GSE1: variants seen among roughly 807,000 people sequenced by gnomAD.
The protein encoded by GSE1 is genetic suppressor element 1.
A neutral mutation model predicts 112.6 loss-of-function variants in GSE1; 32 were observed. The ratio of observed to expected loss-of-function variants is 0.28; its 90% CI spans 0.21 to 0.38. The LOEUF (loss-of-function observed/expected upper bound fraction) is 0.38, where lower values mean the gene tolerates loss of function less well. GSE1 is among the 10% of genes least tolerant of loss of function. The pLI, the probability that GSE1 is intolerant of heterozygous loss-of-function variation, is 1.00. For missense variants in GSE1, 2,348 were observed against 1,699.2 expected, an observed-to-expected ratio of 1.38 and a Z score of -6.71; for synonymous variants, 1,115 against 735.6, an observed-to-expected ratio of 1.52 and a Z score of -8.35.
At chr16:85,514,233 T>A (rs1408702479) in intron 2 of GSE1, among the ~76,000 whole-genome samples, 2 of 147,182 alleles carry the variant, frequency 1.4e-5, no homozygotes, top group African/African-American at 5.0e-5. Context: ...CTCCCCGGTT[T>A]CTCTCTTCCC....
At chr16:85,260,379 T>A (rs954305157) in intron 1 of GSE1, among the ~76,000 whole-genome samples, 2 of 146,180 alleles carry the variant, frequency 1.4e-5, no homozygotes, top group Non-Finnish European at 3.0e-5. Context: ...GCTGGAGTGC[T>A]GTGGTGCTAT....
intron 1 of GSE1, among the ~76,000 whole-genome samples, chr16:85,339,213 A>G (rs918518463): frequency 1.3e-5 from 2 of 152,070 alleles, no homozygotes; most frequent in African/African-American, 4.8e-5. Flanking sequence ...CGTGATTGCA[A>G]ATTGATTTTC....
intron 1 of GSE1, among the ~76,000 whole-genome samples, chr16:85,342,266 A>G (rs1228841088): frequency 2.6e-5 from 4 of 152,148 alleles, no homozygotes; most frequent in Admixed American, 2.0e-4. Context: ...TATAATTTCT[A>G]TCAACTTCAA....
At chr16:85,624,600 C>T (rs778625634) in intron 1 of GSE1, among the ~76,000 whole-genome samples, 11 of 152,224 alleles carry the variant, frequency 7.2e-5, no homozygotes, top group Admixed American at 2.0e-4. Context: ...GGGAAGCAGC[C>T]GGCACCATGG....
chr16:85,312,247 C>G (rs1344723776), intron 1 of GSE1, among the ~76,000 whole-genome samples: 1 of 143,640 alleles, frequency 7.0e-6, no homozygotes, highest in African/African-American at 2.7e-5. Flanking sequence ...CTAAACACAA[C>G]TGAGTGCCCT....
chr16:85,633,094 C>G (rs1465865894), intron 1 of GSE1, among the ~76,000 whole-genome samples: 1 of 152,182 alleles, frequency 6.6e-6, no homozygotes, highest in African/African-American at 2.4e-5. Flanking sequence ...GAACTTGGCC[C>G]TGGGAGGAAA....
At chr16:85,433,072 A>C (rs553755533) in intron 2 of GSE1, among the ~76,000 whole-genome samples, 1 of 151,986 alleles carries the variant, frequency 6.6e-6, no homozygotes, top group East Asian at 1.9e-4. Context: ...CCCTGGGGCA[A>C]CTTGGAATGG....
rs946752631 is a variant in GSE1, at chr16:85,228,037, A to C, written c.2283+56230A>C. Among the ~76,000 whole-genome samples the C allele has an allele frequency of 2.0e-5, 3 of 152,178 alleles. No homozygotes were observed. The South Asian group carries it at 6.2e-4, about 32-fold the overall frequency. On this transcript the variant is annotated intron_variant, in intron 1 of 2. Transcript: ENST00000637419. The stretch of plus-strand genomic sequence containing the variant: ...GGCTGGGAGGGCCCCTCTGTGGAGG[A>C]GGCAGCAGTCAAGTGGAGGGGCAGT...
intron 2 of GSE1, among the ~76,000 whole-genome samples, chr16:85,358,061 A>G (rs1055743400): frequency 4.6e-5 from 7 of 151,686 alleles, no homozygotes; most frequent in Admixed American, 3.3e-4. Context: ...GGGCTGGGCC[A>G]CGGGGAACCA....
At chr16:85,383,221 AAC>A (rs929888883) in intron 2 of GSE1, among the ~76,000 whole-genome samples, 2 of 151,184 alleles carry the variant, frequency 1.3e-5, no homozygotes, top group African/African-American at 4.9e-5. Flanking sequence ...TCTGTACATA[AAC>A]ACACACATTC....
At chr16:85,556,763 C>G (rs1352816794) in intron 1 of GSE1, among the ~76,000 whole-genome samples, 2 of 111,472 alleles carry the variant, frequency 1.8e-5, no homozygotes, top group African/African-American at 3.6e-5. Flanking sequence ...CCCCCCCCCC[C>G]AGTCCTGGGG....
At chr16:85,666,788 G>T (rs1466983969) in intron 13 of GSE1, among the ~76,000 whole-genome samples, 2 of 152,208 alleles carry the variant, frequency 1.3e-5, no homozygotes, top group Non-Finnish European at 2.9e-5. Context: ...CTTCCTTCAT[G>T]GTGGTATCTA....
At chr16:85,633,622 G>A (rs1381627289) in intron 1 of GSE1, among the ~76,000 whole-genome samples, 2 of 152,202 alleles carry the variant, frequency 1.3e-5, no homozygotes, top group African/African-American at 2.4e-5. Flanking sequence ...TCCACGACCT[G>A]CCCAGCCTGG....
At chr16:85,350,910 G>C (rs1408252824) in intron 1 of GSE1, among the ~76,000 whole-genome samples, 1 of 152,212 alleles carries the variant, frequency 6.6e-6, no homozygotes, top group Non-Finnish European at 1.5e-5. Context: ...CTCCCGAGTA[G>C]CTGGGATTAC....
intron 1 of GSE1, among the ~76,000 whole-genome samples, chr16:85,195,569 T>G (rs190889968): frequency 3.3e-5 from 5 of 152,344 alleles, no homozygotes; most frequent in Middle Eastern, 3.4e-3. Context: ...CAAATCCGCC[T>G]TCTTCTGCCC....
At chr16:85,611,498 C>A (rs1397654927), upstream of GSE1, 1 of 984,728 alleles carries the variant, frequency 1.0e-6, no homozygotes, top group Non-Finnish European at 1.2e-6. Context: ...AAGCAGCACC[C>A]CCGCGCCGTG....
At chr16:85,264,489 C>G (rs1270326176) in intron 1 of GSE1, among the ~76,000 whole-genome samples, 1 of 152,098 alleles carries the variant, frequency 6.6e-6, no homozygotes, top group Non-Finnish European at 1.5e-5. Context: ...ATCACCGCCT[C>G]CCTCCTCGGC....
At chr16:85,476,151 C>T (rs184190591) in intron 2 of GSE1, among the ~76,000 whole-genome samples, 2 of 152,202 alleles carry the variant, frequency 1.3e-5, no homozygotes, top group African/African-American at 4.8e-5. Context: ...AGGCTGGCCT[C>T]GAACTGCTGA....
chr16:85,668,211 C>G lies in GSE1; in HGVS notation c.3202C>G (p.Leu1068Val), dbSNP rs146023430. 3 of 1,610,104 alleles carry G rather than the reference C, an allele frequency of 1.9e-6. No homozygotes were observed. Among genetic ancestry groups the G allele is most frequent in the African/African-American group, 2.7e-5 (2 of 74,864 alleles). The change falls in exon 14 of 16, where the codon CTG becomes GTG. Residue 1068 changes from leucine to valine, a missense_variant. Physicochemically the swap from Leu to Val is conservative, Grantham distance 32 (BLOSUM62 1). Coordinates refer to ENST00000253458, the MANE Select transcript of GSE1 (RefSeq NM_014615.5). ...DTSVHYNIPELQSSSRAPPPQ... is the reference protein window; with the variant it reads ...DTSVHYNIPEVQSSSRAPPPQ... ...GTCCGTCCACTACAACATTCCTGAG[C>G]TGCAGTCCTCCAGCCGCGCCCCTCC...
Sources: gnomAD v4.1 joint callset for allele counts (sites outside exome capture counted in the v4.1 genomes callset) on GRCh38, gnomAD v4.1.1 for gene constraint, MANE v1.5 for transcripts, NCBI Gene and HGNC (gene_info 2026-07-23, HGNC 2026-07-21) for gene names.